The following GCLC variants were observed in gnomAD, a reference collection of about 807,000 sequenced individuals.
The protein encoded by GCLC is glutamate-cysteine ligase catalytic subunit, also known as glutamate--cysteine ligase catalytic subunit.
A neutral mutation model predicts 81.5 loss-of-function variants in GCLC; 30 were observed. The ratio of observed to expected loss-of-function variants is 0.37; its 90% CI spans 0.28 to 0.50. The LOEUF (loss-of-function observed/expected upper bound fraction) is 0.50, where lower values mean the gene tolerates loss of function less well. GCLC is among the 20% of genes least tolerant of loss of function. The pLI, the probability that GCLC is intolerant of heterozygous loss-of-function variation, is 0.96. For synonymous variants in GCLC, 262 were observed against 273.3 expected, an observed-to-expected ratio of 0.96 and a Z score of 0.41; for missense variants, 556 against 777.4, an observed-to-expected ratio of 0.72 and a Z score of 3.39.
Position 53,509,208 on chromosome 6 carries a change from A to G in GCLC, c.796T>C (p.Tyr266His), listed in dbSNP as rs1764685129. Residue 266 changes from tyrosine to histidine, a missense_variant, in exon 7 of 16, where the codon TAT becomes CAT. By Grantham distance (83) the Tyr-to-His change is moderately conservative. Coordinates refer to ENST00000650454, the MANE Select transcript of GCLC (RefSeq NM_001498.4). ...ACSISEARYL[Y>H]DQLATICPIV... ...GGACAGATAGTAGCCAACTGATCAT[A>G]AAGGTATCTGGCCTCAGATATACTG... 6.2e-7 allele frequency: 1 copy of G among 1,607,080 alleles called. No individual in the cohort carries two copies. Among genetic ancestry groups the G allele is most frequent in the Non-Finnish European group, 8.5e-7 (1 of 1,173,576 alleles).
At position 53,498,484 on chromosome 6, in the gene GCLC, A is replaced by T; in HGVS notation, c.*272T>A. On this transcript the variant is annotated 3_prime_UTR_variant, in exon 16 of 16. Coordinates refer to ENST00000650454, the MANE Select transcript of GCLC (RefSeq NM_001498.4). ...CTGCTTAGACAGTAGGTTGCTCCAG[A>T]GTAAGAATTTAAAAATGTACAAGCC... The T allele has an allele frequency of 2.3e-6, 1 of 437,082 alleles. No homozygotes were observed. The highest frequency in any genetic ancestry group is 4.1e-6 in the Non-Finnish European group (1 of 241,302). The allele number at this position is 437,082 out of a possible 1,614,324, so 27.1% of individuals were successfully genotyped here.
rs756775686 is a variant in GCLC, at chr6:53,507,028, G to A, written c.1085-3C>T. 2.0e-6 allele frequency: 3 copies of A among 1,519,248 alleles called. No individual in the cohort carries two copies. The highest frequency in any genetic ancestry group is 4.5e-5 in the East Asian group (2 of 44,378). 94.1% of individuals were successfully genotyped at this position (1,519,248 alleles called of 1,614,324 possible). On this transcript the variant is annotated splice_region_variant and splice_polypyrimidine_tract_variant and intron_variant, in intron 9 of 15. Transcript: ENST00000650454. ...CTGGGCCAGGAGATGATCAATGCCT[G>A]CAAAAAGAGATCACATGGGAACTCA...
chr6:53,511,201 T>TGGG (rs34779369), intron 6 of GCLC, among the ~76,000 whole-genome samples: 2,041 of 107,724 alleles, frequency 0.019, 40 homozygotes, highest in Non-Finnish European at 0.032. Flanking sequence ...AAAAAAAAAG[T>TGGG]GGGGGGGGGG....
At chr6:53,511,201 T>TGGGG (rs34779369) in intron 6 of GCLC, among the ~76,000 whole-genome samples, 51 of 108,158 alleles carry the variant, frequency 4.7e-4, no homozygotes, top group Non-Finnish European at 9.0e-4. Context: ...AAAAAAAAAG[T>TGGGG]GGGGGGGGGG....
At position 53,507,033 on chromosome 6, in the gene GCLC, A is replaced by G. The variant is rs1461552650; in HGVS notation, c.1085-8T>C. 8.9e-6 allele frequency: 13 copies of G among 1,468,026 alleles called. No individual in the cohort carries two copies. The highest frequency in any genetic ancestry group is 1.1e-5 in the Non-Finnish European group (12 of 1,046,756). The allele number at this position is 1,468,026 out of a possible 1,614,324, so 90.9% of individuals were successfully genotyped here. ...CCAGGAGATGATCAATGCCTGCAAA[A>G]AGAGATCACATGGGAACTCACTGCA... On this transcript the variant is annotated splice_region_variant and splice_polypyrimidine_tract_variant and intron_variant, in intron 9 of 15. Transcript: ENST00000650454.
intron 2 of GCLC, 118 bp from the exon 3 acceptor site, chr6:53,521,078 A>T (rs1762983102): frequency 1.3e-6 from 1 of 787,504 alleles, no homozygotes; most frequent in African/African-American, 1.7e-5. Context: ...GAAGCTAAGA[A>T]GTCCTTCACA....
intron 1 of GCLC, among the ~76,000 whole-genome samples, chr6:53,538,178 C>T (rs887780847): frequency 2.5e-4 from 33 of 133,628 alleles, no homozygotes; most frequent in Non-Finnish European, 3.6e-4. Context: ...AGATGGGGTC[C>T]CACTTGGTCA....
rs9349676 is a variant in GCLC at position 53,532,147 on chromosome 6, A to T, written c.151-9620T>A. ...GACTATCTGCTATCAATAGGAAGAT[A>T]CTACACATACTTTCACTTTTTATTA... On this transcript the variant is annotated intron_variant, in intron 1 of 15. Coordinates refer to ENST00000650454, the MANE Select transcript of GCLC (RefSeq NM_001498.4). 1.8e-4 allele frequency among the ~76,000 whole-genome samples: 27 copies of T among 152,354 alleles called. No homozygotes were observed. The East Asian group carries it at 5.0e-3, about 28-fold the overall frequency.
intron 6 of GCLC, chr6:53,513,079 C>T (rs1276765607): frequency 6.6e-6 from 1 of 152,204 alleles, no homozygotes; most frequent in Non-Finnish European, 1.5e-5. Flanking sequence ...AGAAATTATC[C>T]TTGGCCATGT....
At position 53,497,385 on chromosome 6, in the gene GCLC, C is replaced by T. The variant is rs1303451453; in HGVS notation, c.*1371G>A. 2.0e-5 allele frequency: 3 copies of T among 152,206 alleles called. No homozygotes were observed. The highest frequency in any genetic ancestry group is 7.2e-5 in the African/African-American group (3 of 41,448). 9.4% of individuals were successfully genotyped at this position (152,206 alleles called of 1,614,324 possible). A position where few individuals can be genotyped will look rare whatever the true frequency, so the allele number is the denominator to read the frequency against. On this transcript the variant is annotated 3_prime_UTR_variant, in exon 16 of 16. Coordinates refer to ENST00000650454, the MANE Select transcript of GCLC (RefSeq NM_001498.4). ...TCCATTCTTTTATTTCCTCATACCA[C>T]AAACATTTCAATTTATCTGCCTTTT...
chr6:53,511,947 C>CT (rs535000790), intron 6 of GCLC, among the ~76,000 whole-genome samples: 1,903 of 113,468 alleles, frequency 0.017, 77 homozygotes, highest in African/African-American at 0.051. Flanking sequence ...GAACTTAGTG[C>CT]TTTTTTTTTT....
chr6:53,544,409 A>T, intron 1 of GCLC, 87 bp downstream of exon 1: 2 of 1,428,626 alleles, frequency 1.4e-6, no homozygotes, highest in Non-Finnish European at 1.9e-6. Flanking sequence ...GCGGACCGCG[A>T]TAGGGCCGGG....
Position 53,505,286 on chromosome 6 carries a change from G to A in GCLC, c.1395+106C>T, listed in dbSNP as rs768152272. 1.4e-5 allele frequency: 10 copies of A among 709,514 alleles called. No individual in the cohort carries two copies. In the South Asian group the frequency reaches 1.6e-4, roughly 11 times the overall value. 44.0% of individuals were successfully genotyped at this position (709,514 alleles called of 1,614,324 possible). On this transcript the variant is annotated intron_variant, in intron 12 of 15. Transcript: ENST00000650454. ...TGATGGAGAAACATTTTATTGCAAAGGGTAAACAATTTCAAATGAAATTAG... is the reference window on the plus strand; with the variant it reads ...TGATGGAGAAACATTTTATTGCAAAAGGTAAACAATTTCAAATGAAATTAG...
chr6:53,499,112 A>C (rs937786112), intron 15 of GCLC, 145 bp from the exon 16 acceptor site: 2 of 669,488 alleles, frequency 3.0e-6, no homozygotes. Flanking sequence ...GGGGGTGGGA[A>C]CATCTTTCAT....
chr6:53,502,529 C>A (rs755403910), intron 12 of GCLC, among the ~76,000 whole-genome samples: 2 of 152,224 alleles, frequency 1.3e-5, no homozygotes, highest in Non-Finnish European at 2.9e-5. Flanking sequence ...ACAAAAAGGA[C>A]CACAGCTTTC....
rs1282767754 is a variant in GCLC at position 53,509,970 on chromosome 6, T to G, written c.754-720A>C. On this transcript the variant is annotated intron_variant, in intron 6 of 15. Transcript: ENST00000650454. ...TCCGGCCAACTATTGTTTTCAAACT[T>G]CACTGGTGGCAGTATGGTGAAGAGC... 3 of 153,110 alleles carry G rather than the reference T, an allele frequency of 2.0e-5. No individual in the cohort carries two copies. In the East Asian group the frequency reaches 5.8e-4, roughly 29 times the overall value. The allele number at this position is 153,110 out of a possible 1,614,324, so 9.5% of individuals were successfully genotyped here.
At chr6:53,513,414 G>A (rs1239505090) in intron 6 of GCLC, 2 of 152,210 alleles carry the variant, frequency 1.3e-5, no homozygotes, top group African/African-American at 2.4e-5. Context: ...ACTTCTGTTA[G>A]TTAAGGCAAT....
chr6:53,537,476 C>A (rs1045003783), intron 1 of GCLC, among the ~76,000 whole-genome samples: 5 of 152,220 alleles, frequency 3.3e-5, no homozygotes, highest in African/African-American at 1.2e-4. Flanking sequence ...CTAGCCTGAG[C>A]CTGTGTCAAT....
chr6:53,505,742 G>T, intron 11 of GCLC, 61 bp downstream of exon 11: 2 of 948,540 alleles, frequency 2.1e-6, no homozygotes, highest in South Asian at 1.3e-5. Context: ...CATCAGAAGG[G>T]TGATGAACAG....
Sources: allele counts gnomAD v4.1 joint callset (sites outside exome capture counted in the v4.1 genomes callset), GRCh38; gene constraint gnomAD v4.1.1; transcripts MANE v1.5; gene names NCBI Gene and HGNC (gene_info 2026-07-23, HGNC 2026-07-21).